The following ADGRE2 variants were observed in gnomAD, a reference collection of about 807,000 sequenced individuals.
ADGRE2 encodes the protein CD97 antigen.
ADGRE2 carries 83 observed loss-of-function variants against 100.8 expected under a neutral mutation model. The ratio of observed to expected loss-of-function variants is 0.82; its 90% CI spans 0.69 to 0.99. The LOEUF (loss-of-function observed/expected upper bound fraction) is 0.99. Among genes scored for constraint, ADGRE2 ranks in the 50% least tolerant of loss-of-function variants. The pLI, the probability that ADGRE2 is intolerant of heterozygous loss-of-function variation, is 0.00. For missense variants in ADGRE2, 814 were observed against 1,035.7 expected, an observed-to-expected ratio of 0.79 and a Z score of 2.94; for synonymous variants, 355 against 413.0, an observed-to-expected ratio of 0.86 and a Z score of 1.70.
chr19:14,755,866 C>A lies in ADGRE2; in HGVS notation c.1204G>T (p.Val402Leu). Residue 402 changes from valine to leucine, a missense_variant, in exon 13 of 21, where the codon GTG (valine) becomes TTG (leucine). Transcript: ENST00000315576. ...QKSGDPGPSVVGLVSIPGMGK... is the reference protein window; with the variant it reads ...QKSGDPGPSVLGLVSIPGMGK... ...ATCCCTGGAATGGAGACAAGGCCCA[C>A]CACAGAAGGGCCTGCAGGGCGAGGC... 6.2e-7 allele frequency: 1 copy of A among 1,613,890 alleles called. No individual in the cohort carries two copies. Among genetic ancestry groups the A allele is most frequent in the Non-Finnish European group, 8.5e-7 (1 of 1,179,934 alleles).
intron 20 of ADGRE2, among the ~76,000 whole-genome samples, chr19:14,740,621 C>CAAAAAAAAAAAAAAA (rs3057546): frequency 8.1e-6 from 1 of 124,058 alleles, no homozygotes; most frequent in Non-Finnish European, 1.7e-5. Context: ...AACTCCGTCT[C>CAAAAAAAAAAAAAAA]AAAAAAAAAA....
chr19:14,736,463 G>A (rs1033766576), intron 20 of ADGRE2, among the ~76,000 whole-genome samples: 7 of 151,992 alleles, frequency 4.6e-5, no homozygotes, highest in East Asian at 1.9e-4. Context: ...GTTTCACCAC[G>A]TAGGCCAGGC....
At chr19:14,774,688 T>TTCTTTC (rs1170643048) in intron 2 of ADGRE2, among the ~76,000 whole-genome samples, 1 of 138,004 alleles carries the variant, frequency 7.2e-6, no homozygotes, top group African/African-American at 2.6e-5. Flanking sequence ...CTTTCTTTCT[T>TTCTTTC]TTTGAGACAG....
At chr19:14,776,536 C>T (rs1314369593) in intron 2 of ADGRE2, 190 bp downstream of exon 2, 1 of 671,056 alleles carries the variant, frequency 1.5e-6, no homozygotes, top group Non-Finnish European at 2.5e-6. Flanking sequence ...GAGTTCCTGC[C>T]GGGGTGTGGG....
Position 14,776,817 on chromosome 19 carries a change from C to A in ADGRE2, c.-61G>T. ...AAAGAGTGAGTGGGACAGGGCTGTC[C>A]CGTCTCCGCAGGCTGGGCAGCTGTG... On this transcript the variant is annotated 5_prime_UTR_variant, in exon 2 of 21. Coordinates refer to ENST00000315576, the MANE Select transcript of ADGRE2 (RefSeq NM_013447.4). The A allele has an allele frequency of 9.3e-6, 15 of 1,606,742 alleles. No individual in the cohort carries two copies. The highest frequency in any genetic ancestry group is 6.8e-5 in the Admixed American group (4 of 59,110).
rs201877333 is a variant in ADGRE2 at position 14,767,234 on chromosome 19, C to CT, written c.356-126dup. On this transcript the variant is annotated intron_variant, in intron 5 of 20. Coordinates refer to ENST00000315576, the MANE Select transcript of ADGRE2 (RefSeq NM_013447.4). ...ACCACTGTCTGCTCCCTTTTCTTTT[C>CT]TTTCTTTCTTTTTTTTTTTTTTGAG... The CT allele has an allele frequency of 3.1e-3, 4,501 of 1,464,664 alleles. 65 individuals are homozygous for CT. The African/African-American group carries it at 0.064, about 21-fold the overall frequency. 90.7% of individuals were successfully genotyped at this position (1,464,664 alleles called of 1,614,324 possible). A position where few individuals can be genotyped will look rare whatever the true frequency, so the allele number is the denominator to read the frequency against.
intron 14 of ADGRE2, among the ~76,000 whole-genome samples, chr19:14,753,822 G>T (rs1235188219): frequency 6.6e-6 from 1 of 151,916 alleles, no homozygotes; most frequent in Non-Finnish European, 1.5e-5. Flanking sequence ...TACCCTGGGT[G>T]GGCCAGACCT....
At chr19:14,725,840 G>A in the ADGRE2 span, among the ~76,000 whole-genome samples, 1 of 152,198 alleles carries the variant, frequency 6.6e-6, no homozygotes, top group African/African-American at 2.4e-5. Context: ...AGTGCCTGCA[G>A]GTTTTTCAGG....
At chr19:14,747,773 C>T (rs1001644119) in intron 16 of ADGRE2, among the ~76,000 whole-genome samples, 1 of 152,086 alleles carries the variant, frequency 6.6e-6, no homozygotes, top group Non-Finnish European at 1.5e-5. Flanking sequence ...CAAGATGGCA[C>T]CACTGCACTC....
In ADGRE2 at chr19:14,758,884, C is replaced by CAAAAAAAAAAA. The variant is rs77345554; in HGVS notation, c.1085-2550_1085-2540dup. ...TGCGGGACACAGCACGACTCCGTCT[C>CAAAAAAAAAAA]AAAAAAAAAAAAAGGAAAAAGAGAA... On this transcript the variant is annotated intron_variant, in intron 11 of 20. Transcript: ENST00000315576. Among the ~76,000 whole-genome samples, 23 of 110,396 alleles carry CAAAAAAAAAAA rather than the reference C, an allele frequency of 2.1e-4. 1 individual carries two copies. The highest frequency in any genetic ancestry group is 1.6e-3 in the East Asian group (6 of 3,736). The allele number at this position is 110,396 out of a possible 152,430, so 72.4% of individuals were successfully genotyped here. A position where few individuals can be genotyped will look rare whatever the true frequency, so the allele number is the denominator to read the frequency against.
intron 5 of ADGRE2, among the ~76,000 whole-genome samples, chr19:14,771,155 G>C (rs2044193555): frequency 6.6e-6 from 1 of 152,108 alleles, no homozygotes; most frequent in South Asian, 2.1e-4. Context: ...CCTCCCACCA[G>C]GGAGGCTCTA....
rs932903749 is a variant in ADGRE2 at position 14,765,399 on chromosome 19, T to C, written c.829-2A>G. The C allele has an allele frequency of 6.2e-7, 1 of 1,614,168 alleles. No individual in the cohort carries two copies. The highest frequency in any genetic ancestry group is 8.5e-7 in the Non-Finnish European group (1 of 1,180,018). On this transcript the variant is annotated splice_acceptor_variant, in intron 9 of 20. Coordinates refer to ENST00000315576, the MANE Select transcript of ADGRE2 (RefSeq NM_013447.4). LOFTEE classifies it high-confidence loss of function. ...TTTGTCGAAGAATCGGGAAAGCGTC[T>C]GCAGAGAGAGGAGATGTGGGGGTCA...
At chr19:14,744,114 G>C (rs775480146) in intron 18 of ADGRE2, among the ~76,000 whole-genome samples, 1 of 151,588 alleles carries the variant, frequency 6.6e-6, no homozygotes, top group Admixed American at 6.6e-5. Context: ...TGGTCGGGGG[G>C]GCGCCTGTAA....
At chr19:14,772,592 C>T in intron 4 of ADGRE2, 95 bp from the exon 5 acceptor site, 1 of 1,454,252 alleles carries the variant, frequency 6.9e-7, no homozygotes, top group Non-Finnish European at 9.4e-7. Flanking sequence ...GGGCCTGCTG[C>T]TTAGTATCTT....
intron 4 of ADGRE2, among the ~76,000 whole-genome samples, chr19:14,773,698 G>T (rs190526127): frequency 7.0e-4 from 106 of 151,740 alleles, no homozygotes; most frequent in African/African-American, 2.4e-3. Context: ...TTTTTGTAGA[G>T]ACAGGGTCTC....
Position 14,734,261 on chromosome 19 carries a change from C to T in ADGRE2, c.*1975G>A, listed in dbSNP as rs1420901291. 1 of 152,178 alleles carries T rather than the reference C, an allele frequency of 6.6e-6. No homozygotes were observed. Among genetic ancestry groups the T allele is most frequent in the Non-Finnish European group, 1.5e-5 (1 of 68,046 alleles). 9.4% of individuals were successfully genotyped at this position (152,178 alleles called of 1,614,324 possible). On this transcript the variant is annotated 3_prime_UTR_variant, in exon 21 of 21. Transcript: ENST00000315576. ...AGGTGCAGTGGCTCAAGCCTGTAAT[C>T]CCCGCACTTAGGGAGGCTGAGGCCT...
At chr19:14,731,505 G>A (rs1417268474), downstream of ADGRE2, 20 of 348,522 alleles carry the variant, frequency 5.7e-5, no homozygotes, top group Non-Finnish European at 7.3e-5. Flanking sequence ...AAAACAGCCA[G>A]GGAAACTGCT....
At chr19:14,757,129 C>A (rs2043527622) in intron 11 of ADGRE2, among the ~76,000 whole-genome samples, 1 of 152,130 alleles carries the variant, frequency 6.6e-6, no homozygotes, top group Admixed American at 6.6e-5. Flanking sequence ...GCTTGAACTC[C>A]TGGGCTCAAG....
intron 10 of ADGRE2, 127 bp downstream of exon 10, chr19:14,765,193 A>T (rs1412804088): frequency 2.2e-6 from 2 of 908,076 alleles, no homozygotes; most frequent in South Asian, 1.5e-5. Context: ...GCCCTGAAAG[A>T]TGCTGGGAGT....
Sources: gnomAD v4.1 joint callset for allele counts (sites outside exome capture counted in the v4.1 genomes callset) on GRCh38, gnomAD v4.1.1 for gene constraint, MANE v1.5 for transcripts, NCBI Gene and HGNC (gene_info 2026-07-23, HGNC 2026-07-21) for gene names.